Variants in SRRM4 observed in about 807,000 individuals in gnomAD.
SRRM4 encodes the protein serine/arginine repetitive matrix protein 4.
In SRRM4, 33 loss-of-function variants were observed where a neutral mutation model predicts 68.9. The ratio of observed to expected loss-of-function variants is 0.48; its 90% confidence interval spans 0.36 to 0.64. SRRM4 has a LOEUF of 0.64. Ranked by LOEUF, SRRM4 falls within the 30% of genes least tolerant of loss-of-function variation. The probability of loss-of-function intolerance (pLI) is 0.00; values close to 1 mark genes in which losing one functional copy is unlikely to be tolerated. For synonymous variants in SRRM4, 318 were observed against 318.8 expected, an observed-to-expected ratio of 1.00 and a Z score of 0.03; for missense variants, 817 against 827.1, an observed-to-expected ratio of 0.99 and a Z score of 0.15.
intron 1 of SRRM4, among the ~76,000 whole-genome samples, chr12:119,039,451 C>G (rs1244870814): frequency 1.3e-5 from 2 of 151,082 alleles, no homozygotes; most frequent in Non-Finnish European, 2.9e-5. Flanking sequence ...CATTTTTCCA[C>G]TAGCATTACT....
chr12:119,031,271 A>G (rs56335196), intron 1 of SRRM4: 3,121 of 152,306 alleles, frequency 0.02, 43 homozygotes, highest in Middle Eastern at 0.041. Context: ...TTCCTTGCCA[A>G]GTGGGCTCCT....
chr12:119,069,946 G>T (rs1953867472), intron 1 of SRRM4, among the ~76,000 whole-genome samples: 1 of 152,072 alleles, frequency 6.6e-6, no homozygotes, highest in South Asian at 2.1e-4. Flanking sequence ...ACCATAAATG[G>T]GTAGAGTGAG....
intron 1 of SRRM4, among the ~76,000 whole-genome samples, chr12:119,080,559 C>A (rs960890988): frequency 2.0e-4 from 31 of 152,290 alleles, no homozygotes; most frequent in African/African-American, 7.0e-4. Flanking sequence ...CCAAAGCTCA[C>A]ACTCATGTGT....
At chr12:119,026,323 T>G (rs1312139216) in intron 1 of SRRM4, among the ~76,000 whole-genome samples, 1 of 151,818 alleles carries the variant, frequency 6.6e-6, no homozygotes, top group African/African-American at 2.4e-5. Context: ...CAGGATCACA[T>G]AGAGAAATGG....
intron 1 of SRRM4, among the ~76,000 whole-genome samples, chr12:119,055,481 A>G (rs923543221): frequency 6.6e-6 from 1 of 152,212 alleles, no homozygotes; most frequent in Non-Finnish European, 1.5e-5. Flanking sequence ...CAAAATCCCA[A>G]TGTAGTCAGC....
chr12:119,067,487 A>G (rs1953853120), intron 1 of SRRM4, among the ~76,000 whole-genome samples: 1 of 152,146 alleles, frequency 6.6e-6, no homozygotes, highest in Non-Finnish European at 1.5e-5. Context: ...CGGGCAGATT[A>G]CCTGAGGTCA....
chr12:119,059,165 CA>C (rs1282215770), intron 1 of SRRM4, among the ~76,000 whole-genome samples: 80 of 152,094 alleles, frequency 5.3e-4, no homozygotes, highest in African/African-American at 1.8e-3. Context: ...TTGATTCTAC[CA>C]ATTAAACATC....
At chr12:118,987,729 T>C (rs1181722075) in intron 1 of SRRM4, among the ~76,000 whole-genome samples, 2 of 152,228 alleles carry the variant, frequency 1.3e-5, no homozygotes, top group Non-Finnish European at 2.9e-5. Context: ...TCCATCAGTG[T>C]TGGCTCTTGC....
chr12:119,138,103 A>T (rs1168912660), intron 8 of SRRM4, among the ~76,000 whole-genome samples: 1 of 152,126 alleles, frequency 6.6e-6, no homozygotes, highest in African/African-American at 2.4e-5. Context: ...CTCATGCCCC[A>T]TCTAAAAGGG....
chr12:119,098,462 T>A (rs529050526), intron 1 of SRRM4, among the ~76,000 whole-genome samples: 2 of 152,330 alleles, frequency 1.3e-5, no homozygotes, highest in Admixed American at 1.3e-4. Context: ...GAAACAATGT[T>A]CTCTTTGGCC....
chr12:119,148,168 A>T (rs547641503), intron 9 of SRRM4, among the ~76,000 whole-genome samples: 10 of 152,314 alleles, frequency 6.6e-5, no homozygotes, highest in Non-Finnish European at 1.3e-4. Flanking sequence ...TCAAAAGATG[A>T]CTAACGCCTT....
intron 1 of SRRM4, among the ~76,000 whole-genome samples, chr12:119,016,073 A>G (rs1016042698): frequency 4.6e-5 from 7 of 152,146 alleles, no homozygotes; most frequent in Non-Finnish European, 8.8e-5. Flanking sequence ...TGATGAGGGG[A>G]GAAGACACAG....
intron 1 of SRRM4, among the ~76,000 whole-genome samples, chr12:119,073,357 C>T (rs917093285): frequency 6.8e-6 from 1 of 146,944 alleles, no homozygotes; most frequent in Non-Finnish European, 1.5e-5. Flanking sequence ...GAGTCTCACT[C>T]TGTTGCCCAG....
chr12:118,997,715 T>G (rs1388380897), intron 1 of SRRM4, among the ~76,000 whole-genome samples: 3 of 152,126 alleles, frequency 2.0e-5, no homozygotes, highest in African/African-American at 7.2e-5. Context: ...GGGGAAAATA[T>G]AGAGAGAGGG....
chr12:119,158,690 T>C lies in SRRM4; in HGVS notation c.*1892T>C, dbSNP rs570044134. 39 of 152,598 alleles carry C rather than the reference T, an allele frequency of 2.6e-4. No individual in the cohort carries two copies. The highest frequency in any genetic ancestry group is 8.9e-4 in the African/African-American group (37 of 41,572). 9.5% of individuals were successfully genotyped at this position (152,598 alleles called of 1,614,324 possible). ...CAAGTACAGCCACTGTAAATAACCC[T>C]CGTCCCTGCCCAGGAACCCAGACTG... On this transcript the variant is annotated 3_prime_UTR_variant, in exon 13 of 13. Transcript: ENST00000267260.
chr12:119,150,988 G>A lies in SRRM4; in HGVS notation c.1077-29G>A, dbSNP rs79514159. The A allele has an allele frequency of 1.1e-3, 1,696 of 1,607,338 alleles. 29 individuals carry two copies. In the African/African-American group the frequency reaches 0.02, roughly 19 times the overall value. On this transcript the variant is annotated intron_variant, in intron 9 of 12. Coordinates refer to ENST00000267260, the MANE Select transcript of SRRM4 (RefSeq NM_194286.4). ...GATGCTCCCAGAGTAGTGGGCAGTCGGTGCTCATGGACATTTTCCCACCTG... is the reference window on the plus strand; with the variant it reads ...GATGCTCCCAGAGTAGTGGGCAGTCAGTGCTCATGGACATTTTCCCACCTG...
chr12:119,156,482 C>T lies in SRRM4; in HGVS notation c.1533-13C>T. The T allele has an allele frequency of 6.3e-7, 1 of 1,583,038 alleles. No individual in the cohort carries two copies. The highest frequency in any genetic ancestry group is 8.6e-7 in the Non-Finnish European group (1 of 1,163,472). On this transcript the variant is annotated splice_polypyrimidine_tract_variant and intron_variant, in intron 12 of 12. Transcript: ENST00000267260. ...GGGCCGGCCCTCATCCCTCCTCTCT[C>T]TGGTCTCTGCAGTGCCCGGAAACGC...
chr12:119,128,059 T>G (rs74716531), intron 7 of SRRM4, among the ~76,000 whole-genome samples: 5 of 152,114 alleles, frequency 3.3e-5, no homozygotes, highest in African/African-American at 9.7e-5. Flanking sequence ...CCAGGTGATG[T>G]GTGGGAAGCA....
chr12:119,012,764 T>C (rs558927888), intron 1 of SRRM4, among the ~76,000 whole-genome samples: 32 of 152,328 alleles, frequency 2.1e-4, no homozygotes, highest in South Asian at 1.7e-3. Context: ...TTTATTTTTA[T>C]GTGGTCAGAT....
Sources: allele counts gnomAD v4.1 joint callset (sites outside exome capture counted in the v4.1 genomes callset), GRCh38; gene constraint gnomAD v4.1.1; transcripts MANE v1.5; gene names NCBI Gene and HGNC (gene_info 2026-07-23, HGNC 2026-07-21).